The following ESR1 variants were observed in gnomAD, a reference collection of about 807,000 sequenced individuals.
ESR1 encodes the protein estrogen receptor.
Under a neutral mutation model 52.7 loss-of-function variants are expected in ESR1, and 12 were observed. The observed-to-expected ratio is 0.23, with a 90% CI of 0.15 to 0.37. The LOEUF is 0.37. ESR1 is among the 10% of genes least tolerant of loss of function. The probability of loss-of-function intolerance (pLI) is 1.00; values close to 1 mark genes in which losing one functional copy is unlikely to be tolerated. For missense variants in ESR1, 584 were observed against 779.7 expected, an observed-to-expected ratio of 0.75 and a Z score of 2.99; for synonymous variants, 305 against 316.8, an observed-to-expected ratio of 0.96 and a Z score of 0.39.
chr6:151,858,777 G>C (rs945972567), intron 2 of ESR1, among the ~76,000 whole-genome samples: 2 of 152,104 alleles, frequency 1.3e-5, no homozygotes, highest in Admixed American at 6.6e-5. Context: ...CTGTGATTTA[G>C]AGTGTGCAGT....
intron 2 of ESR1, among the ~76,000 whole-genome samples, chr6:151,742,226 C>A (rs1783150842): frequency 6.6e-6 from 1 of 152,062 alleles, no homozygotes; most frequent in African/African-American, 2.4e-5. Flanking sequence ...CACGGGGGTG[C>A]AGATATCTTT....
chr6:151,863,951 A>G (rs1789373018), intron 2 of ESR1, among the ~76,000 whole-genome samples: 1 of 152,210 alleles, frequency 6.6e-6, no homozygotes, highest in Non-Finnish European at 1.5e-5. Flanking sequence ...CTAAAACCAT[A>G]AAAACCCTAG....
intron 1 of ESR1, among the ~76,000 whole-genome samples, chr6:151,837,382 G>A (rs1375445556): frequency 6.6e-6 from 1 of 151,922 alleles, no homozygotes; most frequent in Admixed American, 6.6e-5. Flanking sequence ...ACAGGCATGA[G>A]CCACCACACC....
intron 4 of ESR1, chr6:151,984,148 A>C (rs2040238681): frequency 6.6e-6 from 1 of 152,158 alleles, no homozygotes; most frequent in Non-Finnish European, 1.5e-5. Context: ...TATTCAGTAA[A>C]GGGAATTTTT....
At chr6:151,756,844 G>A (rs1014988237) in intron 2 of ESR1, among the ~76,000 whole-genome samples, 4 of 152,060 alleles carry the variant, frequency 2.6e-5, no homozygotes, top group African/African-American at 9.7e-5. Context: ...ACAAAAATTA[G>A]CTGGGTGTGG....
chr6:151,930,441 C>T (rs538594127), intron 3 of ESR1, among the ~76,000 whole-genome samples: 37 of 152,140 alleles, frequency 2.4e-4, no homozygotes, highest in African/African-American at 8.7e-4. Flanking sequence ...CCTTACTGTC[C>T]CTTGTGACAT....
chr6:151,915,126 C>G (rs749232890), intron 3 of ESR1, among the ~76,000 whole-genome samples: 4 of 151,064 alleles, frequency 2.6e-5, no homozygotes, highest in Non-Finnish European at 5.9e-5. Flanking sequence ...ACCAGGGAGT[C>G]GGAGGTTGCA....
At chr6:152,068,227 A>G (rs3798573) in intron 6 of ESR1, among the ~76,000 whole-genome samples, 33,614 of 152,156 alleles carry the variant, frequency 0.22, 5,433 homozygotes, top group African/African-American at 0.44. Flanking sequence ...TGCAACGTCC[A>G]TCATTTGGAT....
intron 6 of ESR1, among the ~76,000 whole-genome samples, chr6:152,118,814 C>T (rs1030072569): frequency 2.6e-5 from 4 of 152,148 alleles, no homozygotes; most frequent in Non-Finnish European, 5.9e-5. Context: ...AACACAAGAA[C>T]TTCTGAGGTC....
intron 3 of ESR1, among the ~76,000 whole-genome samples, chr6:151,913,776 CT>C (rs936741267): frequency 6.6e-6 from 1 of 151,718 alleles, no homozygotes; most frequent in Non-Finnish European, 1.5e-5. Flanking sequence ...TGTATCAGAT[CT>C]TTTTTTTAAT....
At chr6:151,686,085 T>A (rs1237084192), upstream of ESR1, among the ~76,000 whole-genome samples, 2 of 148,766 alleles carry the variant, frequency 1.3e-5, no homozygotes, top group Admixed American at 6.8e-5. Flanking sequence ...TTTTTTTTTT[T>A]TTTATTTAGA....
intron 2 of ESR1, among the ~76,000 whole-genome samples, chr6:151,755,243 A>C (rs1423737176): frequency 1.3e-5 from 2 of 148,606 alleles, no homozygotes; most frequent in Non-Finnish European, 3.0e-5. Context: ...ACCAAAACCA[A>C]AAAAAAAAAG....
intron 2 of ESR1, among the ~76,000 whole-genome samples, chr6:151,784,820 A>G (rs1349847945): frequency 6.6e-6 from 1 of 151,970 alleles, no homozygotes; most frequent in Non-Finnish European, 1.5e-5. Flanking sequence ...CCTTTTATTC[A>G]TGTCTTTATA....
In ESR1 at chr6:151,973,999, G is replaced by C. The variant is rs146527341; in HGVS notation, c.1096+29491G>C. 5.0e-4 allele frequency among the ~76,000 whole-genome samples: 76 copies of C among 152,212 alleles called. No homozygotes were observed. The East Asian group carries it at 0.011, about 23-fold the overall frequency. On this transcript the variant is annotated intron_variant, in intron 4 of 7. Transcript: ENST00000206249. ...GTATTTTAGCCTTTGTGAGTATTTG[G>C]TCTCACAAAAGCAGCCATAGATGAT...
At chr6:152,125,166 T>G (rs2052919726) in intron 6 of ESR1, 8 of 1,407,960 alleles carry the variant, frequency 5.7e-6, no homozygotes, top group Non-Finnish European at 7.6e-6. Flanking sequence ...GGACTCAGGC[T>G]TCCAAAATCC....
intron 1 of ESR1, among the ~76,000 whole-genome samples, chr6:151,699,653 G>A (rs1447229544): frequency 6.6e-6 from 1 of 152,144 alleles, no homozygotes; most frequent in Non-Finnish European, 1.5e-5. Flanking sequence ...TATTGAGTTC[G>A]TGTTAATGAA....
At chr6:151,806,455 G>C (rs568349887), upstream of ESR1, among the ~76,000 whole-genome samples, 5 of 148,480 alleles carry the variant, frequency 3.4e-5, no homozygotes, top group Admixed American at 6.8e-5. Context: ...AGCAAAGGAA[G>C]TTTATTCAAA....
chr6:152,060,983 T>G lies in ESR1; in HGVS notation c.1236-8T>G. ...ATTTATTTATTTATTTTTGCTATGTTTTCATAGGAACCAGGGAAAATGTGT... is the reference window on the plus strand; with the variant it reads ...ATTTATTTATTTATTTTTGCTATGTGTTCATAGGAACCAGGGAAAATGTGT... On this transcript the variant is annotated splice_region_variant and splice_polypyrimidine_tract_variant and intron_variant, in intron 5 of 7. Coordinates refer to ENST00000206249, the MANE Select transcript of ESR1 (RefSeq NM_000125.4). 6.3e-7 allele frequency: 1 copy of G among 1,592,734 alleles called. No individual in the cohort carries two copies. The highest frequency in any genetic ancestry group is 8.6e-7 in the Non-Finnish European group (1 of 1,166,692).
At chr6:152,000,795 T>C (rs889450291) in intron 4 of ESR1, among the ~76,000 whole-genome samples, 1 of 152,178 alleles carries the variant, frequency 6.6e-6, no homozygotes, top group African/African-American at 2.4e-5. Context: ...TTTTTTGGTC[T>C]TTTTTAGTAA....
Sources: gnomAD v4.1 joint callset for allele counts (sites outside exome capture counted in the v4.1 genomes callset) on GRCh38, gnomAD v4.1.1 for gene constraint, MANE v1.5 for transcripts, NCBI Gene and HGNC (gene_info 2026-07-23, HGNC 2026-07-21) for gene names.